Variants in LINGO2 observed in about 807,000 individuals in gnomAD.
LINGO2 encodes the protein leucine rich repeat and Ig domain containing 2.
Under a neutral mutation model 30.6 loss-of-function variants are expected in LINGO2, and 14 were observed. The ratio of observed to expected loss-of-function variants is 0.46; its 90% CI spans 0.30 to 0.72. The LOEUF is 0.72. Among genes scored for constraint, LINGO2 ranks in the 30% least tolerant of loss-of-function variants. LINGO2 has a pLI of 0.07. For synonymous variants in LINGO2, 317 were observed against 288.5 expected, an observed-to-expected ratio of 1.10 and a Z score of -1.00; for missense variants, 729 against 751.7, an observed-to-expected ratio of 0.97 and a Z score of 0.35.
the LINGO2 span, among the ~76,000 whole-genome samples, chr9:28,864,037 A>AGGAGT: frequency 5.9e-5 from 9 of 152,154 alleles, no homozygotes; most frequent in Admixed American, 5.9e-4. Context: ...TATAGATGTC[A>AGGAGT]GGAGTAGGGA....
the LINGO2 span, among the ~76,000 whole-genome samples, chr9:28,827,806 T>G: frequency 6.6e-6 from 1 of 152,130 alleles, no homozygotes; most frequent in African/African-American, 2.4e-5. Context: ...AAATGTGGCT[T>G]AAAGATAATG....
chr9:28,634,064 G>T (rs569097424), intron 1 of LINGO2, among the ~76,000 whole-genome samples: 23 of 152,256 alleles, frequency 1.5e-4, no homozygotes, highest in Non-Finnish European at 2.6e-4. Flanking sequence ...AATGAGAGGG[G>T]CAGTGGTGAC....
At chr9:29,005,013 A>G in the LINGO2 span, among the ~76,000 whole-genome samples, 3 of 152,096 alleles carry the variant, frequency 2.0e-5, no homozygotes, top group Middle Eastern at 3.4e-3. Context: ...GCCATGTGGT[A>G]AGTGTAAATA....
At chr9:29,170,484 G>GTA in the LINGO2 span, among the ~76,000 whole-genome samples, 5 of 152,110 alleles carry the variant, frequency 3.3e-5, no homozygotes, top group East Asian at 9.7e-4. Context: ...CTACCTATTT[G>GTA]TATAATGTAT....
chr9:28,155,672 T>G (rs1433294069), intron 4 of LINGO2, among the ~76,000 whole-genome samples: 1 of 152,226 alleles, frequency 6.6e-6, no homozygotes, highest in Non-Finnish European at 1.5e-5. Flanking sequence ...GGTGTAAGAC[T>G]AATGCTATAG....
intron 3 of LINGO2, among the ~76,000 whole-genome samples, chr9:28,308,238 G>T (rs1824452613): frequency 7.8e-6 from 1 of 128,984 alleles, no homozygotes; most frequent in South Asian, 2.7e-4. Flanking sequence ...CAGAGATATA[G>T]ATCAATGGAA....
the LINGO2 span, among the ~76,000 whole-genome samples, chr9:29,041,825 T>C: frequency 6.6e-6 from 1 of 152,012 alleles, no homozygotes; most frequent in African/African-American, 2.4e-5. Flanking sequence ...TAAAAATGTT[T>C]TCTCTGCCAA....
intron 4 of LINGO2, among the ~76,000 whole-genome samples, chr9:28,289,982 T>C (rs1823658095): frequency 6.6e-6 from 1 of 152,206 alleles, no homozygotes; most frequent in African/African-American, 2.4e-5. Context: ...ATTTATTGCT[T>C]TGGCTCACAG....
At chr9:28,585,579 G>A (rs1824490698) in intron 1 of LINGO2, among the ~76,000 whole-genome samples, 2 of 151,976 alleles carry the variant, frequency 1.3e-5, no homozygotes, top group Non-Finnish European at 2.9e-5. Context: ...GGATGATTTT[G>A]CCCAACTGTA....
intron 1 of LINGO2, among the ~76,000 whole-genome samples, chr9:28,605,264 T>C (rs985651904): frequency 3.9e-5 from 6 of 152,024 alleles, no homozygotes; most frequent in African/African-American, 7.2e-5. Flanking sequence ...AAATTAATTT[T>C]ATCTGTTTCT....
chr9:28,604,225 A>G (rs553328162), intron 1 of LINGO2, among the ~76,000 whole-genome samples: 1 of 152,090 alleles, frequency 6.6e-6, no homozygotes, highest in African/African-American at 2.4e-5. Flanking sequence ...CAGGCACTAC[A>G]GTGTTAGGCA....
the LINGO2 span, among the ~76,000 whole-genome samples, chr9:28,881,710 G>A: frequency 6.6e-6 from 1 of 151,360 alleles, no homozygotes; most frequent in Non-Finnish European, 1.5e-5. Context: ...GTAAACGTGT[G>A]TCATGGTGGT....
intron 2 of LINGO2, among the ~76,000 whole-genome samples, chr9:28,434,529 C>CAA (rs3064822): frequency 0.014 from 1,856 of 130,994 alleles, 44 homozygotes; most frequent in African/African-American, 0.046. Context: ...TCTTGAGCAT[C>CAA]AAAAAAAAAA....
At chr9:28,932,354 C>T in the LINGO2 span, among the ~76,000 whole-genome samples, 112,345 of 151,724 alleles carry the variant, frequency 0.74, 41,738 homozygotes, top group Non-Finnish European at 0.78. Flanking sequence ...ACTGGAATTC[C>T]TTCTCTCTCT....
intron 3 of LINGO2, among the ~76,000 whole-genome samples, chr9:28,338,998 G>A (rs1325691071): frequency 6.6e-6 from 1 of 152,082 alleles, no homozygotes; most frequent in African/African-American, 2.4e-5. Context: ...TTCTCCAAGA[G>A]AATGATACTC....
the LINGO2 span, among the ~76,000 whole-genome samples, chr9:28,984,423 CT>C: frequency 4.6e-4 from 70 of 151,646 alleles, no homozygotes; most frequent in South Asian, 4.8e-3. Context: ...AATTTTATCA[CT>C]TTTTTTTTCT....
intron 4 of LINGO2, among the ~76,000 whole-genome samples, chr9:28,093,524 CATT>C (rs1563970334): frequency 6.6e-6 from 1 of 151,934 alleles, no homozygotes; most frequent in Non-Finnish European, 1.5e-5. Flanking sequence ...ACTCACTAAA[CATT>C]AGTTTTTTTT....
rs111260405 is a variant in LINGO2 at position 28,093,746 on chromosome 9, C to A, written c.-86-81341G>T. On this transcript the variant is annotated intron_variant, in intron 4 of 5. Coordinates refer to ENST00000379992, the Ensembl canonical transcript of LINGO2. The stretch of plus-strand genomic sequence containing the variant: ...TAGAGTGTCTTTCTCACACTCTCAA[C>A]CAGGAGCATTAGTGTGGCAGACTGA... Among the ~76,000 whole-genome samples, 964 of 152,060 alleles carry A rather than the reference C, an allele frequency of 6.3e-3. 14 individuals are homozygous for A. The highest frequency in any genetic ancestry group is 0.02 in the African/African-American group (832 of 41,480).
the LINGO2 span, among the ~76,000 whole-genome samples, chr9:28,731,113 C>CTT: frequency 7.2e-5 from 11 of 151,922 alleles, no homozygotes; most frequent in Non-Finnish European, 1.3e-4. Flanking sequence ...GCCTCAGCCT[C>CTT]TGAGTAGCTG....
Sources: allele counts gnomAD v4.1 joint callset (sites outside exome capture counted in the v4.1 genomes callset), GRCh38; gene constraint gnomAD v4.1.1; transcripts MANE v1.5; gene names NCBI Gene and HGNC (gene_info 2026-07-23, HGNC 2026-07-21).